The following RIN3 variants were observed in gnomAD, a reference collection of about 807,000 sequenced individuals.
The protein encoded by RIN3 is Ras and Rab interactor 3, also known as RAB5 interacting protein 3.
A neutral mutation model predicts 76.3 loss-of-function variants in RIN3; 54 were observed. That is an observed-to-expected ratio of 0.71 (90% CI 0.57 to 0.89). The LOEUF is 0.89. RIN3 is among the 40% of genes least tolerant of loss of function. The probability of loss-of-function intolerance (pLI) is 0.00; values close to 1 mark genes in which losing one functional copy is unlikely to be tolerated. For missense variants in RIN3, 1,256 were observed against 1,322.1 expected, an observed-to-expected ratio of 0.95 and a Z score of 0.78; for synonymous variants, 576 against 564.0, an observed-to-expected ratio of 1.02 and a Z score of -0.30.
chr14:92,644,166 A>C (rs1013650130), intron 5 of RIN3, among the ~76,000 whole-genome samples: 1 of 152,144 alleles, frequency 6.6e-6, no homozygotes, highest in Non-Finnish European at 1.5e-5. Flanking sequence ...CAGCCTTTCT[A>C]CTGCTCCTCA....
intron 1 of RIN3, among the ~76,000 whole-genome samples, chr14:92,551,665 G>T (rs1033753775): frequency 2.0e-5 from 3 of 152,118 alleles, no homozygotes; most frequent in Non-Finnish European, 4.4e-5. Context: ...CCGTGGTATC[G>T]CATTGTGGTT....
intron 8 of RIN3, among the ~76,000 whole-genome samples, chr14:92,679,361 T>A (rs953889542): frequency 6.6e-6 from 1 of 152,164 alleles, no homozygotes; most frequent in African/African-American, 2.4e-5. Context: ...CACACCACGC[T>A]GTGCACACCA....
At chr14:92,557,555 C>T (rs758563614) in intron 2 of RIN3, among the ~76,000 whole-genome samples, 7 of 152,216 alleles carry the variant, frequency 4.6e-5, no homozygotes, top group Non-Finnish European at 7.3e-5. Flanking sequence ...TGCATCAAGT[C>T]GCCAGTTGTA....
intron 8 of RIN3, among the ~76,000 whole-genome samples, chr14:92,676,940 A>C (rs1434481196): frequency 6.6e-6 from 1 of 152,108 alleles, no homozygotes; most frequent in Non-Finnish European, 1.5e-5. Context: ...AATGAAGGAT[A>C]AATAGGAGCC....
At chr14:92,573,997 A>G (rs1898138460) in intron 2 of RIN3, among the ~76,000 whole-genome samples, 1 of 152,176 alleles carries the variant, frequency 6.6e-6, no homozygotes, top group Non-Finnish European at 1.5e-5. Context: ...GATGTAAGCC[A>G]ATGTCAAGCA....
chr14:92,516,045 GT>G (rs912405604), intron 1 of RIN3, among the ~76,000 whole-genome samples: 1 of 152,184 alleles, frequency 6.6e-6, no homozygotes, highest in African/African-American at 2.4e-5. Flanking sequence ...ACTCAGGCCA[GT>G]AGCTTTCAGG....
intron 6 of RIN3, among the ~76,000 whole-genome samples, chr14:92,654,933 G>A (rs1454866214): frequency 6.6e-6 from 1 of 152,140 alleles, no homozygotes; most frequent in Non-Finnish European, 1.5e-5. Flanking sequence ...CACGTTGGGG[G>A]GCAGGTGGAT....
intron 7 of RIN3, among the ~76,000 whole-genome samples, chr14:92,664,364 C>CTTTTTTTTTTTT (rs373597134): frequency 2.2e-4 from 19 of 84,446 alleles, no homozygotes; most frequent in East Asian, 4.8e-4. Flanking sequence ...TTCTTTCTTT[C>CTTTTTTTTTTTT]TTTTTTTTTT....
chr14:92,633,172 T>A (rs1050932882), intron 4 of RIN3, among the ~76,000 whole-genome samples: 1 of 152,092 alleles, frequency 6.6e-6, no homozygotes, highest in Non-Finnish European at 1.5e-5. Context: ...ACTGTGGAGA[T>A]GCCGGGGTTT....
At chr14:92,615,380 C>T (rs750712481) in intron 3 of RIN3, 27 bp from the exon 4 acceptor site, 28 of 1,607,998 alleles carry the variant, frequency 1.7e-5, no homozygotes, top group East Asian at 2.2e-5. Flanking sequence ...ACTCACCTCA[C>T]CCAGGGCCCT....
intron 3 of RIN3, among the ~76,000 whole-genome samples, chr14:92,608,697 G>T (rs549487723): frequency 2.4e-4 from 36 of 152,170 alleles, no homozygotes; most frequent in African/African-American, 8.4e-4. Context: ...ACAATGCCCA[G>T]CTAATTTTTG....
intron 4 of RIN3, among the ~76,000 whole-genome samples, chr14:92,637,030 C>T (rs1384273352): frequency 2.6e-5 from 4 of 152,118 alleles, no homozygotes; most frequent in Non-Finnish European, 4.4e-5. Context: ...CTTTTTGGCA[C>T]CAGGGACCAC....
intron 1 of RIN3, among the ~76,000 whole-genome samples, chr14:92,548,670 C>T (rs1017358560): frequency 6.6e-6 from 1 of 152,098 alleles, no homozygotes; most frequent in Non-Finnish European, 1.5e-5. Context: ...TCACACGGAC[C>T]TCATCTGTGT....
chr14:92,664,054 A>C (rs940157125), intron 7 of RIN3, among the ~76,000 whole-genome samples: 5 of 152,128 alleles, frequency 3.3e-5, no homozygotes, highest in African/African-American at 9.7e-5. Flanking sequence ...CCACGTTCCC[A>C]ACAATACAGA....
intron 2 of RIN3, among the ~76,000 whole-genome samples, chr14:92,574,152 G>A (rs1035337726): frequency 6.6e-6 from 1 of 152,212 alleles, no homozygotes; most frequent in African/African-American, 2.4e-5. Flanking sequence ...GGTTTAAAAG[G>A]TGTAAGAACA....
rs138126518 is a variant in RIN3, at chr14:92,540,734, GCCTTCTC to G, written c.45-15014_45-15008del. Among the ~76,000 whole-genome samples, 4 of 152,302 alleles carry G rather than the reference GCCTTCTC, an allele frequency of 2.6e-5. No individual in the cohort carries two copies. In the East Asian group the frequency reaches 7.7e-4, roughly 29 times the overall value. On this transcript the variant is annotated intron_variant, in intron 1 of 9. Coordinates refer to ENST00000216487, the MANE Select transcript of RIN3 (RefSeq NM_024832.5). ...CATGGAGAAGCCAGCCTGGCCGCCTGCCTTCTCCCAGGCTGTTCACTGGGGCAGGGCC... is the reference window on the plus strand; with the variant it reads ...CATGGAGAAGCCAGCCTGGCCGCCTGCCAGGCTGTTCACTGGGGCAGGGCC...
At chr14:92,517,596 G>A (rs1896476933) in intron 1 of RIN3, among the ~76,000 whole-genome samples, 1 of 152,136 alleles carries the variant, frequency 6.6e-6, no homozygotes, top group African/African-American at 2.4e-5. Context: ...TTGGGTAATT[G>A]ATTGGTGCTG....
chr14:92,688,723 T>G lies in RIN3; in HGVS notation c.*471T>G. On this transcript the variant is annotated 3_prime_UTR_variant, in exon 10 of 10. Transcript: ENST00000216487. ...GTGGACCCAGCATCTCAGGAGCACC[T>G]CAGGGTGTCGGTTAAGAGACAGGCC... 1 of 162,052 alleles carries G rather than the reference T, an allele frequency of 6.2e-6. No individual in the cohort carries two copies. Among genetic ancestry groups the G allele is most frequent in the South Asian group, 1.8e-4 (1 of 5,560 alleles). The allele number at this position is 162,052 out of a possible 1,614,324, so 10.0% of individuals were successfully genotyped here. A position where few individuals can be genotyped will look rare whatever the true frequency, so the allele number is the denominator to read the frequency against.
chr14:92,561,055 A>ATATATATATATATATATATATC (rs71123360), intron 2 of RIN3, among the ~76,000 whole-genome samples: 1 of 79,162 alleles, frequency 1.3e-5, no homozygotes, highest in African/African-American at 4.5e-5. Flanking sequence ...ATATATATAT[A>ATATATATATATATATATATATC]TCTGCCATAT....
Sources: allele counts gnomAD v4.1 joint callset (sites outside exome capture counted in the v4.1 genomes callset), GRCh38; gene constraint gnomAD v4.1.1; transcripts MANE v1.5; gene names NCBI Gene and HGNC (gene_info 2026-07-23, HGNC 2026-07-21).